BMERB1: variants seen among roughly 807,000 people sequenced by gnomAD.
BMERB1 encodes bMERB domain-containing protein 1.
BMERB1 carries 12 observed loss-of-function variants against 23.6 expected under a neutral mutation model. That is an observed-to-expected ratio of 0.51 (90% confidence interval 0.33 to 0.82). The LOEUF is 0.82. Among genes scored for constraint, BMERB1 ranks in the 40% least tolerant of loss-of-function variants. The pLI is 0.03. For synonymous variants in BMERB1, 122 were observed against 96.6 expected (o/e 1.26, Z -1.54); for missense variants, 247 against 255.4 (o/e 0.97, Z 0.22).
chr16:15,434,850 A>AGTGG, intron 1 of BMERB1, 91 bp downstream of exon 1: 1 of 1,158,390 alleles, frequency 8.6e-7, no homozygotes, highest in Non-Finnish European at 1.2e-6. Flanking sequence ...GAACGCCAGC[A>AGTGG]GTGGACCCAG....
intron 2 of BMERB1, among the ~76,000 whole-genome samples, chr16:15,530,347 C>G (rs1189595065): frequency 6.6e-6 from 1 of 152,192 alleles, no homozygotes; most frequent in East Asian, 1.9e-4. Context: ...ACCTGGATAA[C>G]CCAGGATGAT....
At chr16:15,455,399 A>C (rs1365642123) in intron 1 of BMERB1, among the ~76,000 whole-genome samples, 1 of 151,604 alleles carries the variant, frequency 6.6e-6, no homozygotes, top group Non-Finnish European at 1.5e-5. Context: ...TAGTGTGTCC[A>C]GCCATCCTGG....
At chr16:15,537,815 G>A (rs547864848) in intron 2 of BMERB1, among the ~76,000 whole-genome samples, 1 of 151,986 alleles carries the variant, frequency 6.6e-6, no homozygotes, top group East Asian at 1.9e-4. Context: ...ATGCCACCAT[G>A]CCTGGCCAAT....
chr16:15,437,658 T>C (rs936301692), intron 1 of BMERB1, among the ~76,000 whole-genome samples: 1 of 152,146 alleles, frequency 6.6e-6, no homozygotes, highest in Admixed American at 6.6e-5. Flanking sequence ...TGCTGCACAC[T>C]GTTAAAAGTC....
At chr16:15,529,262 G>A (rs903109096) in intron 2 of BMERB1, among the ~76,000 whole-genome samples, 4 of 152,052 alleles carry the variant, frequency 2.6e-5, no homozygotes, top group African/African-American at 7.2e-5. Context: ...TCCTGACCTC[G>A]TGATCCGCCT....
intron 2 of BMERB1, among the ~76,000 whole-genome samples, chr16:15,522,444 C>T (rs2051864560): frequency 6.6e-6 from 1 of 152,176 alleles, no homozygotes; most frequent in Non-Finnish European, 1.5e-5. Context: ...CACACACACA[C>T]ACACACACAC....
intron 1 of BMERB1, among the ~76,000 whole-genome samples, chr16:15,466,285 A>G (rs1156892353): frequency 6.6e-6 from 1 of 152,154 alleles, no homozygotes; most frequent in Admixed American, 6.5e-5. Context: ...AATCTGATGG[A>G]TGTAAAGTAG....
chr16:15,551,333 TGC>T (rs1025349822), intron 2 of BMERB1, among the ~76,000 whole-genome samples: 30 of 152,230 alleles, frequency 2.0e-4, no homozygotes, highest in African/African-American at 7.2e-4. Flanking sequence ...CGGGGTGGTG[TGC>T]TAGAACCATG....
At chr16:15,438,247 C>T (rs1048385329) in intron 1 of BMERB1, among the ~76,000 whole-genome samples, 1 of 151,292 alleles carries the variant, frequency 6.6e-6, no homozygotes, top group East Asian at 2.0e-4. Flanking sequence ...CCACCACGCT[C>T]AACTAATTTT....
chr16:15,587,766 T>G lies in BMERB1; in HGVS notation c.*937T>G, dbSNP rs2031189793. ...GACCAGATTGTGTCCCGTCATTGGG[T>G]GGCATATGTTAACTAGCTGCCAAAC... On this transcript the variant is annotated 3_prime_UTR_variant, in exon 6 of 6. Transcript: ENST00000300006. 1 of 275,598 alleles carries G rather than the reference T, an allele frequency of 3.6e-6. No individual in the cohort carries two copies. The highest frequency in any genetic ancestry group is 7.5e-6 in the Non-Finnish European group (1 of 133,066). 17.1% of individuals were successfully genotyped at this position (275,598 alleles called of 1,614,324 possible).
chr16:15,461,681 G>T (rs1243415913), intron 1 of BMERB1, among the ~76,000 whole-genome samples: 1 of 152,058 alleles, frequency 6.6e-6, no homozygotes, highest in Non-Finnish European at 1.5e-5. Flanking sequence ...CCAGCAGTTT[G>T]GGAGGACAAG....
intron 2 of BMERB1, among the ~76,000 whole-genome samples, chr16:15,559,275 A>C (rs1347204442): frequency 2.0e-5 from 3 of 152,206 alleles, no homozygotes; most frequent in Non-Finnish European, 2.9e-5. Flanking sequence ...AGCCAAAGCA[A>C]ATGGGATTCT....
chr16:15,566,770 G>GA (rs1224700968), intron 2 of BMERB1, among the ~76,000 whole-genome samples: 1 of 152,206 alleles, frequency 6.6e-6, no homozygotes, highest in East Asian at 1.9e-4. Flanking sequence ...TGCATATACT[G>GA]ATATGGAAAG....
chr16:15,517,760 G>T (rs536157919), intron 2 of BMERB1, among the ~76,000 whole-genome samples: 2,621 of 147,696 alleles, frequency 0.018, 72 homozygotes, highest in African/African-American at 0.067. Context: ...TTGTGTGGAT[G>T]TGTGTGGATG....
intron 1 of BMERB1, among the ~76,000 whole-genome samples, chr16:15,451,825 C>T (rs1483230274): frequency 6.7e-6 from 1 of 148,940 alleles, no homozygotes; most frequent in Non-Finnish European, 1.5e-5. Context: ...AGCCTCCTGC[C>T]TCAGCCTCCC....
At chr16:15,475,577 G>T (rs1201465109) in intron 1 of BMERB1, among the ~76,000 whole-genome samples, 1 of 151,914 alleles carries the variant, frequency 6.6e-6, no homozygotes, top group African/African-American at 2.4e-5. Flanking sequence ...AATTGTCCTG[G>T]CAATAACATG....
intron 5 of BMERB1, chr16:15,584,077 G>A: frequency 1.4e-6 from 1 of 702,026 alleles, no homozygotes; most frequent in South Asian, 1.5e-5. Context: ...TCAGAGCAAA[G>A]AGGGTTTTAT....
chr16:15,454,506 A>G lies in BMERB1; in HGVS notation c.106+19747A>G, dbSNP rs555472980. ...ACACAGAGGCGATTAAAATGCAATC[A>G]TTAGGGCTGGTCATGGTGGCTCACG... On this transcript the variant is annotated intron_variant, in intron 1 of 5. Transcript: ENST00000300006. Among the ~76,000 whole-genome samples the G allele has an allele frequency of 7.2e-5, 11 of 152,292 alleles. No homozygotes were observed. In the South Asian group the frequency reaches 2.1e-3, roughly 29 times the overall value.
chr16:15,482,895 G>T (rs1273918502), intron 1 of BMERB1, among the ~76,000 whole-genome samples: 2 of 152,012 alleles, frequency 1.3e-5, no homozygotes, highest in Non-Finnish European at 2.9e-5. Context: ...ACCATTCAGT[G>T]GGGGAGATCT....
Sources: gnomAD v4.1 joint callset for allele counts (sites outside exome capture counted in the v4.1 genomes callset) on GRCh38, gnomAD v4.1.1 for gene constraint, MANE v1.5 for transcripts, NCBI Gene and HGNC (gene_info 2026-07-23, HGNC 2026-07-21) for gene names.